Variants in JAG1 observed in about 807,000 individuals in gnomAD.
The protein encoded by JAG1 is protein jagged-1.
JAG1 carries 23 observed loss-of-function variants against 148.7 expected under a neutral mutation model. That is an observed-to-expected ratio of 0.15 (90% CI 0.11 to 0.22). The LOEUF (loss-of-function observed/expected upper bound fraction) is 0.22, where lower values mean the gene tolerates loss of function less well. Ranked by LOEUF, JAG1 falls within the 10% of genes least tolerant of loss-of-function variation. The probability of loss-of-function intolerance (pLI) is 1.00; values close to 1 mark genes in which losing one functional copy is unlikely to be tolerated. For synonymous variants in JAG1, 572 were observed against 598.3 expected, an observed-to-expected ratio of 0.96 and a Z score of 0.64; for missense variants, 1,054 against 1,611.2, an observed-to-expected ratio of 0.65 and a Z score of 5.92.
chr20:10,641,457 T>C lies in JAG1; in HGVS notation c.2916+3A>G. 6.2e-7 allele frequency: 1 copy of C among 1,610,044 alleles called. No individual in the cohort carries two copies. Among genetic ancestry groups the C allele is most frequent in the Non-Finnish European group, 8.5e-7 (1 of 1,176,514 alleles). On this transcript the variant is annotated splice_donor_region_variant and intron_variant, in intron 23 of 25. Transcript: ENST00000254958. ...CAAAAAAAAAACAAAGGTTGTTACA[T>C]ACTGGTGACATCATCTCCTTGTTAA...
chr20:10,645,009 T>G lies in JAG1; in HGVS notation c.2228-30A>C. ...AAAAGAAGAGCAGACACGACCACCC[T>G]CCCTGAGTATCCAGAAACAGTCTGG... On this transcript the variant is annotated intron_variant, in intron 17 of 25. Coordinates refer to ENST00000254958, the MANE Select transcript of JAG1 (RefSeq NM_000214.3). This position sits in a 1 kb window ranked among gnomAD's most constrained non-coding sequence, Gnocchi z 6.1. 1 of 1,572,852 alleles carries G rather than the reference T, an allele frequency of 6.4e-7. No individual in the cohort carries two copies. The highest frequency in any genetic ancestry group is 1.1e-5 in the South Asian group (1 of 90,288).
chr20:10,660,989 A>G (rs906721964), intron 3 of JAG1, among the ~76,000 whole-genome samples: 1 of 152,252 alleles, frequency 6.6e-6, no homozygotes, highest in Non-Finnish European at 1.5e-5. Flanking sequence ...CTTAGCCGAG[A>G]AAGCTAAGCT....
Position 10,642,495 on chromosome 20 carries a change from G to C in JAG1, c.2565C>G (p.Cys855Trp). The change falls in exon 21 of 26, where the codon TGC becomes TGG. Residue 855 changes from cysteine (C) to tryptophan (W), a missense_variant. Transcript: ENST00000254958. ...VCPPGHSGAKCQEVSGRPCIT... is the reference protein window; with the variant it reads ...VCPPGHSGAKWQEVSGRPCIT... ...GAAGCCTGGCACACATACCTTCCTGGCACTTGGCACCACTGTGCCCTGGAG... is the reference window on the plus strand; with the variant it reads ...GAAGCCTGGCACACATACCTTCCTGCCACTTGGCACCACTGTGCCCTGGAG... The C allele has an allele frequency of 1.2e-6, 2 of 1,601,186 alleles. No homozygotes were observed. Among genetic ancestry groups the C allele is most frequent in the Non-Finnish European group, 1.7e-6 (2 of 1,168,308 alleles).
intron 2 of JAG1, among the ~76,000 whole-genome samples, chr20:10,666,603 C>A (rs1160350088): frequency 6.6e-6 from 1 of 152,194 alleles, no homozygotes; most frequent in African/African-American, 2.4e-5. Context: ...CGAAGAGTCA[C>A]CTGGCTTTCA....
intron 10 of JAG1, among the ~76,000 whole-genome samples, 184 bp downstream of exon 10, chr20:10,649,338 G>C (rs909631980): frequency 6.6e-6 from 1 of 152,186 alleles, no homozygotes; most frequent in South Asian, 2.1e-4. Flanking sequence ...GCTGGTTTTC[G>C]CAGCTAATGA....
Position 10,651,592 on chromosome 20 carries a change from G to A in JAG1, c.1109C>T (p.Thr370Ile). Reference protein sequence around the residue: ...CECSPGWTGPTCSTNIDDCSP... With the variant: ...CECSPGWTGPICSTNIDDCSP... The stretch of plus-strand genomic sequence containing the variant: ...AAAATTGGACTTACTTGTAGAGCAT[G>A]TGGGGCCGGTCCAGCCTGGGGAACA... Residue 370 changes from threonine (T) to isoleucine (I), a missense_variant, in exon 8 of 26, where the codon ACA becomes ATA. Transcript: ENST00000254958. The A allele has an allele frequency of 6.2e-7, 1 of 1,611,340 alleles. No homozygotes were observed. The highest frequency in any genetic ancestry group is 1.1e-5 in the South Asian group (1 of 91,034).
intron 3 of JAG1, among the ~76,000 whole-genome samples, chr20:10,663,088 C>A (rs375722347): frequency 1.3e-5 from 2 of 150,732 alleles, no homozygotes; most frequent in Non-Finnish European, 1.5e-5. Flanking sequence ...TGAAAGCAAA[C>A]AAAAAAAAAT....
chr20:10,645,887 CA>C lies in JAG1; in HGVS notation c.1999+83del. ...GTCTTGCTTCCAGAGATTTCCAGTA[CA>C]AAGAAAGTTTTCCCACGTTGAAGTG... On this transcript the variant is annotated intron_variant, in intron 15 of 25. Coordinates refer to ENST00000254958, the MANE Select transcript of JAG1 (RefSeq NM_000214.3). This position sits in a 1 kb window ranked among gnomAD's most constrained non-coding sequence, Gnocchi z 6.1. 1.1e-6 allele frequency: 1 copy of C among 948,134 alleles called. No individual in the cohort carries two copies. Among genetic ancestry groups the C allele is most frequent in the Non-Finnish European group, 1.7e-6 (1 of 573,890 alleles). The allele number at this position is 948,134 out of a possible 1,614,324, so 58.7% of individuals were successfully genotyped here. A position where few individuals can be genotyped will look rare whatever the true frequency, so the allele number is the denominator to read the frequency against.
intron 8 of JAG1, 52 bp from the exon 9 acceptor site, chr20:10,650,412 A>T (rs957268634): frequency 3.9e-6 from 4 of 1,025,376 alleles, no homozygotes; most frequent in South Asian, 2.6e-5. Flanking sequence ...TCCATCTGAC[A>T]ATTAGATCCT....
rs1456756949 is a variant in JAG1 at position 10,673,637 on chromosome 20, C to A, written c.-107G>T. The stretch of plus-strand genomic sequence containing the variant: ...TGCCCCTGCGGCCGCCGCGTCCCGG[C>A]TCTAATATACTCCGCCGATTGGAGC... On this transcript the variant is annotated 5_prime_UTR_variant, in exon 1 of 26. Transcript: ENST00000254958. The surrounding 1 kb of genome is among the most constrained non-coding windows in gnomAD (Gnocchi z 4.7). 9.9e-6 allele frequency: 4 copies of A among 403,580 alleles called. No individual in the cohort carries two copies. Among genetic ancestry groups the A allele is most frequent in the Non-Finnish European group, 7.8e-6 (2 of 255,376 alleles). The allele number at this position is 403,580 out of a possible 1,614,324, so 25.0% of individuals were successfully genotyped here. A position where few individuals can be genotyped will look rare whatever the true frequency, so the allele number is the denominator to read the frequency against.
At chr20:10,661,743 G>A (rs934400946) in intron 3 of JAG1, among the ~76,000 whole-genome samples, 3 of 152,188 alleles carry the variant, frequency 2.0e-5, no homozygotes, top group Non-Finnish European at 4.4e-5. Flanking sequence ...CACTAGAGGT[G>A]AGTCAGAGCA....
At chr20:10,665,224 A>G (rs1187915718) in intron 2 of JAG1, among the ~76,000 whole-genome samples, 2 of 152,250 alleles carry the variant, frequency 1.3e-5, no homozygotes, top group African/African-American at 4.8e-5. Flanking sequence ...AGTTTCATTC[A>G]TAACTCAAGG....
At chr20:10,670,009 A>T (rs2122641010) in intron 2 of JAG1, among the ~76,000 whole-genome samples, 1 of 152,306 alleles carries the variant, frequency 6.6e-6, no homozygotes. Flanking sequence ...TGAGAATTAG[A>T]AGCCAGTGGT....
In JAG1 at chr20:10,646,985, G is replaced by C; in HGVS notation, c.1839C>G (p.Phe613Leu). The C allele has an allele frequency of 6.2e-7, 1 of 1,614,166 alleles. No individual in the cohort carries two copies. Among genetic ancestry groups the C allele is most frequent in the Non-Finnish European group, 8.5e-7 (1 of 1,180,010 alleles). Residue 613 changes from phenylalanine (F) to leucine (L), a missense_variant, in exon 14 of 26, where the codon TTC becomes TTG. By Grantham distance (22) the Phe-to-Leu change is conservative (BLOSUM62 0). Transcript: ENST00000254958. ...GKCKSQSGGK[F>L]TCDCNKGFTG... Reference sequence around the variant, plus strand: ...TGAAGCCTTTGTTACAGTCACAGGTGAATTTGCCTCCCGACTGACTCTTGC... The same window carrying C: ...TGAAGCCTTTGTTACAGTCACAGGTCAATTTGCCTCCCGACTGACTCTTGC...
At chr20:10,652,307 A>T in intron 6 of JAG1, 57 bp from the exon 7 acceptor site, 1 of 1,610,120 alleles carries the variant, frequency 6.2e-7, no homozygotes, top group Non-Finnish European at 8.5e-7. Flanking sequence ...CGAACCCACC[A>T]TGTTTCTAGC....
At position 10,649,119 on chromosome 20, in the gene JAG1, A is replaced by G. The variant is rs1410661113; in HGVS notation, c.1349-12T>C. ...GCAGTCATTAATATCTAAAAAATAA[A>G]TAAGTCATCATTTTAAAGAGGTAAT... On this transcript the variant is annotated splice_polypyrimidine_tract_variant and intron_variant, in intron 10 of 25. Coordinates refer to ENST00000254958, the MANE Select transcript of JAG1 (RefSeq NM_000214.3). 5 of 1,579,768 alleles carry G rather than the reference A, an allele frequency of 3.2e-6. No individual in the cohort carries two copies. The highest frequency in any genetic ancestry group is 1.7e-5 in the Admixed American group (1 of 59,964).
intron 3 of JAG1, among the ~76,000 whole-genome samples, chr20:10,659,173 T>C (rs1352065216): frequency 1.3e-5 from 2 of 152,256 alleles, no homozygotes; most frequent in Non-Finnish European, 2.9e-5. Flanking sequence ...GAAGCTGTGT[T>C]TCCCAATAAC....
rs1313242645 is a variant in JAG1, at chr20:10,646,054, C to T, written c.1916G>A (p.Arg639Lys). 6 of 1,613,614 alleles carry T rather than the reference C, an allele frequency of 3.7e-6. No individual in the cohort carries two copies. Among genetic ancestry groups the T allele is most frequent in the Middle Eastern group, 1.6e-4 (1 of 6,062 alleles). Residue 639 changes from arginine (R) to lysine (K), a missense_variant, in exon 15 of 26, where the codon AGA becomes AAA. Arg to Lys is a conservative substitution (Grantham distance 26). Coordinates refer to ENST00000254958, the MANE Select transcript of JAG1 (RefSeq NM_000214.3). ...NINDCESNPC[R>K]NGGTCIDGVN... ...ACCATCGATGCAAGTGCCACCGTTTCTACAAGGGTTGCTCTCACAGTCATT... is the reference window on the plus strand; with the variant it reads ...ACCATCGATGCAAGTGCCACCGTTTTTACAAGGGTTGCTCTCACAGTCATT...
rs1231358514 is a variant in JAG1, at chr20:10,672,897, C to T, written c.191G>A (p.Arg64His). The T allele has an allele frequency of 6.2e-7, 1 of 1,613,108 alleles. No individual in the cohort carries two copies. The highest frequency in any genetic ancestry group is 1.7e-5 in the Admixed American group (1 of 60,004). Residue 64 changes from arginine (R) to histidine (H), a missense_variant, in exon 2 of 26, where the codon CGC becomes CAC. Physicochemically the swap from Arg to His is conservative, Grantham distance 29 (BLOSUM62 0). Transcript: ENST00000254958. ...GTCACACTCGTCGCGGGTGCACTTGCGGTCTCCCGGGTTCCGGGCGCCGCC... is the reference window on the plus strand; with the variant it reads ...GTCACACTCGTCGCGGGTGCACTTGTGGTCTCCCGGGTTCCGGGCGCCGCC... The part of the protein sequence containing the change: ...CCGGARNPGD[R>H]KCTRDECDTY...
Sources: gnomAD v4.1 joint callset for allele counts (sites outside exome capture counted in the v4.1 genomes callset) on GRCh38, gnomAD v4.1.1 for gene constraint, Gnocchi (gnomAD v3.1) non-coding constraint, MANE v1.5 for transcripts, NCBI Gene and HGNC (gene_info 2026-07-23, HGNC 2026-07-21) for gene names.